PDS5B: variants seen among roughly 807,000 people sequenced by gnomAD.
PDS5B encodes the protein sister chromatid cohesion protein PDS5 homolog B.
In PDS5B, 51 loss-of-function variants were observed where a neutral mutation model predicts 184.1. That is an observed-to-expected ratio of 0.28 (90% CI 0.22 to 0.35). PDS5B has a LOEUF of 0.35. Ranked by LOEUF, PDS5B falls within the 10% of genes least tolerant of loss-of-function variation. The pLI, the probability that PDS5B is intolerant of heterozygous loss-of-function variation, is 1.00. For synonymous variants in PDS5B, 566 were observed against 569.2 expected (o/e 0.99, Z 0.08); for missense variants, 1,180 against 1,723.3 (o/e 0.68, Z 5.58).
At chr13:32,686,471 C>T (rs1365871568) in intron 11 of PDS5B, among the ~76,000 whole-genome samples, 1 of 152,008 alleles carries the variant, frequency 6.6e-6, no homozygotes, top group East Asian at 1.9e-4. Flanking sequence ...CCATTTAATT[C>T]TGTCTTTGTC....
intron 1 of PDS5B, among the ~76,000 whole-genome samples, chr13:32,641,137 A>T (rs1326798931): frequency 6.6e-6 from 1 of 151,520 alleles, no homozygotes; most frequent in East Asian, 1.9e-4. Context: ...CCAGTTTTAT[A>T]TGACTATTTT....
At chr13:32,607,906 G>C (rs2058084902) in intron 1 of PDS5B, among the ~76,000 whole-genome samples, 1 of 152,202 alleles carries the variant, frequency 6.6e-6, no homozygotes, top group Non-Finnish European at 1.5e-5. Flanking sequence ...TAAGACCTTT[G>C]GAAAAGCACA....
intron 1 of PDS5B, among the ~76,000 whole-genome samples, chr13:32,624,500 CTTG>C (rs1352991536): frequency 6.6e-6 from 1 of 152,066 alleles, no homozygotes; most frequent in Admixed American, 6.6e-5. Context: ...TCAGCAGCCT[CTTG>C]TTGCTTGCTG....
At chr13:32,720,281 G>C (rs1315976185) in intron 19 of PDS5B, among the ~76,000 whole-genome samples, 2 of 152,066 alleles carry the variant, frequency 1.3e-5, no homozygotes, top group Non-Finnish European at 2.9e-5. Context: ...ACCAGTATTA[G>C]TTAGCATTCC....
At chr13:32,755,170 A>G (rs1465478658) in intron 25 of PDS5B, among the ~76,000 whole-genome samples, 1 of 152,216 alleles carries the variant, frequency 6.6e-6, no homozygotes, top group Non-Finnish European at 1.5e-5. Flanking sequence ...GGAAATATAA[A>G]TGGAAATTGT....
chr13:32,725,302 A>T (rs897876561), intron 19 of PDS5B, among the ~76,000 whole-genome samples: 1 of 152,218 alleles, frequency 6.6e-6, no homozygotes, highest in Non-Finnish European at 1.5e-5. Context: ...TTTGTGTTTC[A>T]GTCAGTTATG....
intron 1 of PDS5B, among the ~76,000 whole-genome samples, chr13:32,624,519 G>A (rs1593279711): frequency 6.6e-6 from 1 of 152,186 alleles, no homozygotes; most frequent in African/African-American, 2.4e-5. Flanking sequence ...TGCTGATTTT[G>A]TGATTTCATT....
chr13:32,749,553 C>G (rs1725876840), intron 24 of PDS5B, among the ~76,000 whole-genome samples: 2 of 152,244 alleles, frequency 1.3e-5, no homozygotes, highest in Admixed American at 6.5e-5. Flanking sequence ...AAGATTTACT[C>G]TGTACTTCTG....
chr13:32,641,208 C>A (rs1950079326), intron 1 of PDS5B, among the ~76,000 whole-genome samples: 1 of 152,052 alleles, frequency 6.6e-6, no homozygotes, highest in Non-Finnish European at 1.5e-5. Flanking sequence ...GGTTGAGATT[C>A]CCCAAAGATG....
At chr13:32,674,411 A>G (rs941219821) in intron 8 of PDS5B, among the ~76,000 whole-genome samples, 1 of 152,146 alleles carries the variant, frequency 6.6e-6, no homozygotes, top group Non-Finnish European at 1.5e-5. Context: ...TATTTCTCAA[A>G]TGAGCCATTC....
chr13:32,627,249 G>A (rs1484952232), intron 1 of PDS5B, among the ~76,000 whole-genome samples: 2 of 152,160 alleles, frequency 1.3e-5, no homozygotes, highest in Non-Finnish European at 2.9e-5. Context: ...TTGTTTTACA[G>A]TTTGATAACT....
chr13:32,592,579 T>G (rs979736591), intron 1 of PDS5B, among the ~76,000 whole-genome samples: 1 of 152,160 alleles, frequency 6.6e-6, no homozygotes, highest in Non-Finnish European at 1.5e-5. Flanking sequence ...TCTTGAGCAC[T>G]TTTTCCCCCT....
At chr13:32,667,865 G>T (rs1593380458) in intron 7 of PDS5B, 21 bp downstream of exon 7, 1 of 1,391,816 alleles carries the variant, frequency 7.2e-7, no homozygotes, top group Non-Finnish European at 9.9e-7. Context: ...CTTGTAATTG[G>T]TTGTCAGAAG....
chr13:32,729,167 A>C (rs1259955514), intron 19 of PDS5B, among the ~76,000 whole-genome samples: 1 of 151,962 alleles, frequency 6.6e-6, no homozygotes, highest in Non-Finnish European at 1.5e-5. Context: ...TCATTGTTCA[A>C]CTTCCACTTA....
At chr13:32,748,251 T>A (rs1953832646) in intron 24 of PDS5B, among the ~76,000 whole-genome samples, 1 of 152,204 alleles carries the variant, frequency 6.6e-6, no homozygotes, top group Non-Finnish European at 1.5e-5. Flanking sequence ...TCTTTGTCTC[T>A]CTTACTCTCT....
chr13:32,696,398 A>G (rs531803966), intron 14 of PDS5B, among the ~76,000 whole-genome samples: 1 of 152,194 alleles, frequency 6.6e-6, no homozygotes, highest in East Asian at 1.9e-4. Flanking sequence ...CCCTGATGCA[A>G]CCCGTAACTA....
intron 1 of PDS5B, among the ~76,000 whole-genome samples, chr13:32,601,867 T>C (rs2057980161): frequency 6.6e-6 from 1 of 152,262 alleles, no homozygotes; most frequent in Non-Finnish European, 1.5e-5. Context: ...ATACATCTTT[T>C]AATAAGTTGG....
intron 16 of PDS5B, among the ~76,000 whole-genome samples, 191 bp downstream of exon 16, chr13:32,700,060 T>C (rs911336819): frequency 6.6e-6 from 1 of 152,182 alleles, no homozygotes; most frequent in African/African-American, 2.4e-5. Context: ...AATGAGATAT[T>C]ATACATACAG....
chr13:32,610,215 G>A (rs576408510), intron 1 of PDS5B, among the ~76,000 whole-genome samples: 1 of 152,184 alleles, frequency 6.6e-6, no homozygotes, highest in Non-Finnish European at 1.5e-5. Flanking sequence ...ATGTAGGTAC[G>A]TATAGGTAAT....
Sources: allele counts gnomAD v4.1 joint callset (sites outside exome capture counted in the v4.1 genomes callset), GRCh38; gene constraint gnomAD v4.1.1; transcripts MANE v1.5; gene names NCBI Gene and HGNC (gene_info 2026-07-23, HGNC 2026-07-21).